Variants in SNX1 observed in about 807,000 individuals in gnomAD.
SNX1 encodes the protein sorting nexin 1.
A neutral mutation model predicts 71.8 loss-of-function variants in SNX1; 36 were observed. The ratio of observed to expected loss-of-function variants is 0.50; its 90% CI spans 0.38 to 0.66. SNX1 has a LOEUF of 0.66. SNX1 is among the 30% of genes least tolerant of loss of function. SNX1 has a pLI of 0.00. For missense variants in SNX1, 612 were observed against 646.7 expected (o/e 0.95, Z 0.58); for synonymous variants, 254 against 240.7 (o/e 1.06, Z -0.51).
chr15:64,141,355 A>AGGGCC lies in SNX1; in HGVS notation c.*3741_*3742insCGGGC, dbSNP rs1337438045. The AGGGCC allele has an allele frequency of 6.6e-6, 1 of 152,156 alleles. No individual in the cohort carries two copies. The highest frequency in any genetic ancestry group is 1.9e-4 in the East Asian group (1 of 5,200). The allele number at this position is 152,156 out of a possible 1,614,324, so 9.4% of individuals were successfully genotyped here. ...GAGGCTGGCGGGGCCAGTTGTCTTT[A>AGGGCC]GGGCTTGTGCATTTTTGTAAAGAGC... is the stretch of plus-strand genomic sequence containing the variant. On this transcript the variant is annotated 3_prime_UTR_variant, in exon 15 of 15. Coordinates refer to ENST00000559844, the MANE Select transcript of SNX1 (RefSeq NM_003099.5). This position sits in a 1 kb window ranked among gnomAD's most constrained non-coding sequence, Gnocchi z 5.1.
At chr15:64,102,761 CTTTTTTTTTTTTT>C (rs60616312) in intron 1 of SNX1, among the ~76,000 whole-genome samples, 6 of 76,410 alleles carry the variant, frequency 7.9e-5, no homozygotes, top group Non-Finnish European at 1.4e-4. Context: ...ACCACGCCTT[CTTTTTTTTTTTTT>C]TTTTTTTTTT....
chr15:64,121,464 G>C (rs554757952), intron 4 of SNX1, among the ~76,000 whole-genome samples: 9 of 152,254 alleles, frequency 5.9e-5, no homozygotes, highest in Admixed American at 5.2e-4. Context: ...TCTCCACATT[G>C]CCTTCCCTCT....
chr15:64,137,998 A>T lies in SNX1; in HGVS notation c.*380A>T. 2 of 1,477,026 alleles carry T rather than the reference A, an allele frequency of 1.4e-6. No homozygotes were observed. Among genetic ancestry groups the T allele is most frequent in the Non-Finnish European group, 1.8e-6 (2 of 1,121,786 alleles). The allele number at this position is 1,477,026 out of a possible 1,614,324, so 91.5% of individuals were successfully genotyped here. On this transcript the variant is annotated 3_prime_UTR_variant, in exon 15 of 15. Coordinates refer to ENST00000559844, the MANE Select transcript of SNX1 (RefSeq NM_003099.5). ...AAAAGGTTATGTAATAAAATATTTT[A>T]AAATCAGGTCACATGACTCAGAATG...
chr15:64,134,706 G>A lies in SNX1; in HGVS notation c.1264G>A (p.Asp422Asn). Residue 422 changes from aspartate (D) to asparagine (N), a missense_variant, in exon 12 of 15, where the codon GAT becomes AAT. This residue lies in a region of SNX1 where 296 missense variants were observed against 361.9 expected (regional missense o/e 0.82). Transcript: ENST00000559844. The surrounding 1 kb of genome is among the most constrained non-coding windows in gnomAD (Gnocchi z 4.1). The stretch of plus-strand genomic sequence containing the variant: ...CATGAAGACATGGCAGCGCTGGCAG[G>A]ATGCCCAAGCCACACTGCAGAAGAA... ...QRMKTWQRWQ[D>N]AQATLQKKRE... 3 of 1,613,398 alleles carry A rather than the reference G, an allele frequency of 1.9e-6. No homozygotes were observed. Among genetic ancestry groups the A allele is most frequent in the Non-Finnish European group, 2.5e-6 (3 of 1,179,976 alleles).
At position 64,140,216 on chromosome 15, in the gene SNX1, C is replaced by G. The variant is rs2081399505; in HGVS notation, c.*2598C>G. 6.6e-6 allele frequency: 1 copy of G among 152,260 alleles called. No individual in the cohort carries two copies. Among genetic ancestry groups the G allele is most frequent in the Non-Finnish European group, 1.5e-5 (1 of 68,050 alleles). The allele number at this position is 152,260 out of a possible 1,614,324, so 9.4% of individuals were successfully genotyped here. ...TGTCATGATTGACCAACATGATTTC[C>G]TAACTCCATAATGCCTTCTACATTT... On this transcript the variant is annotated 3_prime_UTR_variant, in exon 15 of 15. Coordinates refer to ENST00000559844, the MANE Select transcript of SNX1 (RefSeq NM_003099.5).
chr15:64,110,049 G>A (rs2081063496), intron 1 of SNX1, among the ~76,000 whole-genome samples: 1 of 152,174 alleles, frequency 6.6e-6, no homozygotes, highest in African/African-American at 2.4e-5. Flanking sequence ...CCTGGAAACT[G>A]TCCAGCATTA....
At chr15:64,126,821 G>A (rs185236276) in intron 6 of SNX1, among the ~76,000 whole-genome samples, 3 of 152,196 alleles carry the variant, frequency 2.0e-5, no homozygotes, top group East Asian at 3.9e-4. Context: ...CTCGTGGTCC[G>A]CCCGCCTTGG....
Position 64,143,069 on chromosome 15 carries a change from C to G in SNX1, c.*5451C>G. The stretch of plus-strand genomic sequence containing the variant: ...CATAGACTTCAAGGACATCAAGCCC[C>G]AAGGTGGTGGGATTTTCCCCACCAG... On this transcript the variant is annotated 3_prime_UTR_variant, in exon 15 of 15. Transcript: ENST00000559844. The G allele has an allele frequency of 5.7e-6, 1 of 176,886 alleles. No individual in the cohort carries two copies. Among genetic ancestry groups the G allele is most frequent in the Non-Finnish European group, 1.2e-5 (1 of 83,300 alleles). The allele number at this position is 176,886 out of a possible 1,614,324, so 11.0% of individuals were successfully genotyped here.
At chr15:64,122,975 C>T (rs1442987261) in intron 4 of SNX1, among the ~76,000 whole-genome samples, 1 of 152,168 alleles carries the variant, frequency 6.6e-6, no homozygotes, top group Non-Finnish European at 1.5e-5. Context: ...CATGCTAGAT[C>T]AGAGAGGTCA....
At chr15:64,120,068 G>A (rs953118867) in intron 4 of SNX1, among the ~76,000 whole-genome samples, 2 of 152,118 alleles carry the variant, frequency 1.3e-5, no homozygotes, top group African/African-American at 4.8e-5. Context: ...GCTTGCAAGA[G>A]TTATCCCTGA....
At chr15:64,135,430 A>G (rs1012370256) in intron 12 of SNX1, among the ~76,000 whole-genome samples, 6 of 149,710 alleles carry the variant, frequency 4.0e-5, no homozygotes, top group Admixed American at 2.7e-4. Flanking sequence ...AGCCTGGCCA[A>G]CATGGTAAAA....
At chr15:64,130,060 T>C in intron 9 of SNX1, 31 bp downstream of exon 9, 1 of 1,546,856 alleles carries the variant, frequency 6.5e-7, no homozygotes, top group Non-Finnish European at 8.9e-7. Flanking sequence ...TACCTCCACC[T>C]ACACCTCAGG....
In SNX1 at chr15:64,144,203, C is replaced by T. The variant is rs1319016020; in HGVS notation, c.*6585C>T. 6.6e-6 allele frequency: 1 copy of T among 152,124 alleles called. No individual in the cohort carries two copies. Among genetic ancestry groups the T allele is most frequent in the African/African-American group, 2.4e-5 (1 of 41,412 alleles). 9.4% of individuals were successfully genotyped at this position (152,124 alleles called of 1,614,324 possible). ...GTATTATCGTTAAAATAAGAAAAAT[C>T]AAATAAAGCTATTTTCATTATGGGA... On this transcript the variant is annotated 3_prime_UTR_variant, in exon 15 of 15. Transcript: ENST00000559844. This position sits in a 1 kb window ranked among gnomAD's most constrained non-coding sequence, Gnocchi z 4.3.
intron 1 of SNX1, among the ~76,000 whole-genome samples, chr15:64,096,573 A>G (rs1204001273): frequency 2.6e-5 from 4 of 152,234 alleles, no homozygotes; most frequent in Admixed American, 2.6e-4. Context: ...TAAGATGAAT[A>G]GCGTTATGTG....
intron 1 of SNX1, among the ~76,000 whole-genome samples, chr15:64,109,421 G>C (rs909313322): frequency 6.6e-6 from 1 of 152,188 alleles, no homozygotes; most frequent in Non-Finnish European, 1.5e-5. Flanking sequence ...AGAACATAAA[G>C]ACAAGTCACA....
rs768395868 is a variant in SNX1, at chr15:64,118,125, G to A, written c.280G>A (p.Val94Met). The change falls in exon 3 of 15, where the codon GTG (valine) becomes ATG (methionine). Residue 94 changes from valine to methionine, a missense_variant. Transcript: ENST00000559844. ...TATCAACTTCATTTTAGATGCCACAGTGGAGCTATCCTTGGACAGCACACA... is the reference window on the plus strand; with the variant it reads ...TATCAACTTCATTTTAGATGCCACAATGGAGCTATCCTTGGACAGCACACA... ...EPQDLFADAT[V>M]ELSLDSTQNN... 6.8e-6 allele frequency: 11 copies of A among 1,611,624 alleles called. No homozygotes were observed. Among genetic ancestry groups the A allele is most frequent in the Non-Finnish European group, 8.5e-6 (10 of 1,179,302 alleles).
At chr15:64,126,841 G>A (rs577034982) in intron 6 of SNX1, among the ~76,000 whole-genome samples, 4 of 152,200 alleles carry the variant, frequency 2.6e-5, no homozygotes, top group Admixed American at 6.5e-5. Flanking sequence ...GCCTCCCAAA[G>A]TGCTGGGATT....
At chr15:64,103,798 T>G (rs923308205) in intron 1 of SNX1, among the ~76,000 whole-genome samples, 1 of 152,252 alleles carries the variant, frequency 6.6e-6, no homozygotes, top group African/African-American at 2.4e-5. Flanking sequence ...CTCATTAAGT[T>G]TCTTGATATT....
intron 1 of SNX1, among the ~76,000 whole-genome samples, chr15:64,097,705 A>G (rs1272772370): frequency 1.3e-5 from 2 of 152,220 alleles, no homozygotes; most frequent in African/African-American, 4.8e-5. Flanking sequence ...ATTTACTCAT[A>G]CCACTTGGTA....
Sources: allele counts gnomAD v4.1 joint callset (sites outside exome capture counted in the v4.1 genomes callset), GRCh38; gene constraint gnomAD v4.1.1; regional missense constraint gnomAD v4.1.1; non-coding constraint Gnocchi (gnomAD v3.1); transcripts MANE v1.5; gene names NCBI Gene and HGNC (gene_info 2026-07-23, HGNC 2026-07-21).